GABBR2: variants seen among roughly 807,000 people sequenced by gnomAD.
GABBR2 encodes the protein G-protein coupled receptor 51.
In GABBR2, 23 loss-of-function variants were observed where a neutral mutation model predicts 105.6. The observed-to-expected ratio is 0.22, with a 90% confidence interval of 0.16 to 0.31. The LOEUF is 0.31. Ranked by LOEUF, GABBR2 falls within the 10% of genes least tolerant of loss-of-function variation. GABBR2 has a pLI of 1.00. For synonymous variants in GABBR2, 478 were observed against 499.7 expected, an observed-to-expected ratio of 0.96 and a Z score of 0.58; for missense variants, 734 against 1,245.5, an observed-to-expected ratio of 0.59 and a Z score of 6.18.
chr9:98,371,026 TC>T (rs1386129855), intron 12 of GABBR2, among the ~76,000 whole-genome samples: 2 of 152,006 alleles, frequency 1.3e-5, no homozygotes, highest in African/African-American at 4.8e-5. Context: ...TCCAGCCTCT[TC>T]CTGTACCCTG....
At chr9:98,307,028 C>T (rs990359302) in intron 14 of GABBR2, among the ~76,000 whole-genome samples, 3 of 152,126 alleles carry the variant, frequency 2.0e-5, no homozygotes, top group African/African-American at 7.2e-5. Context: ...CTTCAGCATC[C>T]GTCTTAGATC....
chr9:98,406,692 C>A (rs1437787521), intron 7 of GABBR2, among the ~76,000 whole-genome samples: 2 of 152,170 alleles, frequency 1.3e-5, no homozygotes, highest in Non-Finnish European at 2.9e-5. Context: ...TATGGTGCAG[C>A]AAAAAACTAA....
chr9:98,491,436 CATT>C (rs1479057434), intron 4 of GABBR2, among the ~76,000 whole-genome samples: 2 of 152,212 alleles, frequency 1.3e-5, no homozygotes, highest in African/African-American at 4.8e-5. Context: ...TGGTCAGAAT[CATT>C]ATATGTGGTC....
At chr9:98,653,007 C>A (rs1047889806) in intron 1 of GABBR2, among the ~76,000 whole-genome samples, 6 of 152,182 alleles carry the variant, frequency 3.9e-5, no homozygotes, top group Non-Finnish European at 8.8e-5. Flanking sequence ...TTTAACTAAT[C>A]ATTTTTAGAG....
intron 8 of GABBR2, among the ~76,000 whole-genome samples, chr9:98,397,566 T>C (rs1456608628): frequency 6.6e-6 from 1 of 152,226 alleles, no homozygotes; most frequent in African/African-American, 2.4e-5. Context: ...GGTTATTTTA[T>C]TCATGATGAA....
chr9:98,664,905 C>T (rs778852326), intron 1 of GABBR2, among the ~76,000 whole-genome samples: 6 of 152,154 alleles, frequency 3.9e-5, no homozygotes, highest in East Asian at 3.9e-4. Context: ...GTGGGAGGAT[C>T]GCTTGAGCCC....
chr9:98,521,598 T>G (rs1367367008), intron 3 of GABBR2, among the ~76,000 whole-genome samples: 2 of 152,162 alleles, frequency 1.3e-5, no homozygotes, highest in African/African-American at 4.8e-5. Flanking sequence ...TCTCTGCACA[T>G]CTGGAGCAGC....
intron 6 of GABBR2, among the ~76,000 whole-genome samples, chr9:98,455,755 G>A (rs138099239): frequency 2.1e-3 from 314 of 152,340 alleles, no homozygotes; most frequent in Non-Finnish European, 3.4e-3. Context: ...GGAGCCCACC[G>A]GGGCCAAGAA....
At chr9:98,638,650 G>T (rs554891558) in intron 1 of GABBR2, among the ~76,000 whole-genome samples, 9 of 152,244 alleles carry the variant, frequency 5.9e-5, no homozygotes, top group African/African-American at 1.9e-4. Flanking sequence ...GACCCATTTA[G>T]GATTAAACAA....
chr9:98,406,034 G>C, intron 8 of GABBR2, 47 bp downstream of exon 8: 2 of 1,034,270 alleles, frequency 1.9e-6, no homozygotes, highest in Non-Finnish European at 3.0e-6. Context: ...CAACATTCCT[G>C]AATCTAAATT....
chr9:98,360,081 C>T (rs10122333), intron 13 of GABBR2, among the ~76,000 whole-genome samples: 3,477 of 152,140 alleles, frequency 0.023, 139 homozygotes, highest in African/African-American at 0.079. Context: ...GCTCAGAGTC[C>T]GGAGCACACA....
chr9:98,509,855 T>A (rs1156957390), intron 3 of GABBR2, among the ~76,000 whole-genome samples: 1 of 152,184 alleles, frequency 6.6e-6, no homozygotes, highest in African/African-American at 2.4e-5. Flanking sequence ...TGCAGGATAT[T>A]ATCCAGGAGA....
chr9:98,403,759 AT>A (rs1564053868), intron 8 of GABBR2, among the ~76,000 whole-genome samples: 78 of 138,728 alleles, frequency 5.6e-4, no homozygotes, highest in Middle Eastern at 3.7e-3. Flanking sequence ...AAAAAAAAAT[AT>A]ATATATATAT....
rs934530186 is a variant in GABBR2, at chr9:98,596,134, G to A, written c.322-18062C>T. Among the ~76,000 whole-genome samples, 6 of 152,360 alleles carry A rather than the reference G, an allele frequency of 3.9e-5. No homozygotes were observed. In the South Asian group the frequency reaches 1.2e-3, roughly 32 times the overall value. On this transcript the variant is annotated intron_variant, in intron 1 of 18. Coordinates refer to ENST00000259455, the MANE Select transcript of GABBR2 (RefSeq NM_005458.8). ...GCTTGAGCCAGGTGTCTGACTTCAA[G>A]TATCCCACTTACTAGCTGAAGGACC...
intron 12 of GABBR2, among the ~76,000 whole-genome samples, chr9:98,367,748 C>T (rs1831707703): frequency 1.3e-5 from 2 of 152,162 alleles, no homozygotes; most frequent in Admixed American, 1.3e-4. Flanking sequence ...GTATTATTTA[C>T]CAACCAAATT....
At chr9:98,352,159 C>A (rs908456117) in intron 13 of GABBR2, among the ~76,000 whole-genome samples, 3 of 152,200 alleles carry the variant, frequency 2.0e-5, no homozygotes, top group Non-Finnish European at 4.4e-5. Context: ...TATGTTGAGG[C>A]TTTACTGGAG....
At chr9:98,569,141 TAGAG>T (rs779537835) in intron 2 of GABBR2, among the ~76,000 whole-genome samples, 1 of 152,184 alleles carries the variant, frequency 6.6e-6, no homozygotes, top group Non-Finnish European at 1.5e-5. Flanking sequence ...TTCTCTTTCT[TAGAG>T]AGCAGCAGCA....
At chr9:98,316,471 C>T (rs1830720595) in intron 13 of GABBR2, among the ~76,000 whole-genome samples, 1 of 152,150 alleles carries the variant, frequency 6.6e-6, no homozygotes, top group Non-Finnish European at 1.5e-5. Context: ...ATTTTTCTTC[C>T]TTACTTGTTG....
rs1285332396 is a variant in GABBR2 at position 98,388,520 on chromosome 9, C to T, written c.1529+334G>A. ...ACCTCCACAAAGTACAGGAGTATAT[C>T]CAAAGCTCTGAGAAGGCCCGTGGAC... On this transcript the variant is annotated intron_variant, in intron 10 of 18. Coordinates refer to ENST00000259455, the MANE Select transcript of GABBR2 (RefSeq NM_005458.8). The surrounding 1 kb of genome is among the most constrained non-coding windows in gnomAD (Gnocchi z 4.4). 2.6e-5 allele frequency among the ~76,000 whole-genome samples: 4 copies of T among 152,066 alleles called. No homozygotes were observed. The highest frequency in any genetic ancestry group is 2.6e-4 in the Admixed American group (4 of 15,254).
Sources: gnomAD v4.1 joint callset for allele counts (sites outside exome capture counted in the v4.1 genomes callset) on GRCh38, gnomAD v4.1.1 for gene constraint, Gnocchi (gnomAD v3.1) non-coding constraint, MANE v1.5 for transcripts, NCBI Gene and HGNC (gene_info 2026-07-23, HGNC 2026-07-21) for gene names.